The following UTRN variants were observed in gnomAD, a reference collection of about 807,000 sequenced individuals.
The protein encoded by UTRN is utrophin.
In UTRN, 283 loss-of-function variants were observed where a neutral mutation model predicts 463.9. The observed-to-expected ratio is 0.61, with a 90% CI of 0.55 to 0.67. The LOEUF (loss-of-function observed/expected upper bound fraction) is 0.67. Among genes scored for constraint, UTRN ranks in the 30% least tolerant of loss-of-function variants. The pLI, the probability that UTRN is intolerant of heterozygous loss-of-function variation, is 0.00. For synonymous variants in UTRN, 1,442 were observed against 1,431.5 expected (o/e 1.01, Z -0.17); for missense variants, 3,922 against 4,084.3 (o/e 0.96, Z 1.08).
intron 50 of UTRN, among the ~76,000 whole-genome samples, chr6:144,568,283 T>C (rs1260356280): frequency 6.6e-6 from 1 of 152,190 alleles, no homozygotes. Context: ...CCTTCTAAAC[T>C]TAAAATGTTG....
At chr6:144,386,563 T>C (rs1056944142) in intron 2 of UTRN, among the ~76,000 whole-genome samples, 1 of 147,866 alleles carries the variant, frequency 6.8e-6, no homozygotes, top group Non-Finnish European at 1.5e-5. Flanking sequence ...AACCTTTCAA[T>C]TATTTTATTT....
chr6:144,714,001 C>A (rs1786083461), intron 53 of UTRN, among the ~76,000 whole-genome samples: 1 of 150,458 alleles, frequency 6.6e-6, no homozygotes, highest in Non-Finnish European at 1.5e-5. Context: ...TCATTTTTAA[C>A]ATTGATATTT....
At chr6:144,764,264 A>G (rs1793026023) in intron 58 of UTRN, among the ~76,000 whole-genome samples, 1 of 152,188 alleles carries the variant, frequency 6.6e-6, no homozygotes, top group African/African-American at 2.4e-5. Flanking sequence ...AACAGTAGAA[A>G]GCCTGCCCTG....
chr6:144,553,000 A>T (rs770726558), intron 48 of UTRN, among the ~76,000 whole-genome samples: 2 of 152,202 alleles, frequency 1.3e-5, no homozygotes, highest in African/African-American at 2.4e-5. Context: ...AAGAATGATG[A>T]CATGTAAGTA....
intron 50 of UTRN, among the ~76,000 whole-genome samples, chr6:144,575,260 T>TA (rs944526970): frequency 1.3e-4 from 19 of 151,974 alleles, no homozygotes; most frequent in African/African-American, 1.7e-4. Flanking sequence ...CATTATAAAA[T>TA]AAAAAAAATG....
intron 2 of UTRN, among the ~76,000 whole-genome samples, chr6:144,336,484 A>G (rs1003599762): frequency 5.9e-5 from 9 of 151,934 alleles, no homozygotes; most frequent in Admixed American, 5.9e-4. Context: ...ACTTGGACAC[A>G]TTTTTTTTCC....
In UTRN at chr6:144,754,759, C is replaced by G. The variant is rs1460000931; in HGVS notation, c.8395C>G (p.His2799Asp). 6.2e-6 allele frequency: 10 copies of G among 1,613,348 alleles called. No individual in the cohort carries two copies. The highest frequency in any genetic ancestry group is 5.0e-5 in the Admixed American group (3 of 59,900). Residue 2799 changes from histidine to aspartate, a missense_variant, in exon 57 of 75, where the codon CAC becomes GAC. Around this residue, in one of 3 missense-constraint regions of UTRN, gnomAD observed 1,309 missense variants for 1,452.6 expected, o/e 0.90. Coordinates refer to ENST00000367545, the MANE Select transcript of UTRN (RefSeq NM_007124.3). ...DDRLKQLQEA[H>D]RDFGPSSQHF... is the part of the protein sequence containing the mutation. ...TCGCCTTAAACAGCTTCAGGAAGCC[C>G]ACAGAGATTTTGGACCATCCTCTCA...
At chr6:144,722,552 T>A (rs1343570494) in intron 53 of UTRN, among the ~76,000 whole-genome samples, 2 of 152,172 alleles carry the variant, frequency 1.3e-5, no homozygotes, top group Non-Finnish European at 2.9e-5. Flanking sequence ...TGTTCTGGCT[T>A]CATGACATGC....
In UTRN at chr6:144,453,271, C is replaced by T. The variant is rs564432932; in HGVS notation, c.2197-511C>T. Among the ~76,000 whole-genome samples, 19 of 152,128 alleles carry T rather than the reference C, an allele frequency of 1.2e-4. No homozygotes were observed. In the South Asian group the frequency reaches 3.3e-3, roughly 27 times the overall value. On this transcript the variant is annotated intron_variant, in intron 18 of 74. Coordinates refer to ENST00000367545, the MANE Select transcript of UTRN (RefSeq NM_007124.3). Reference sequence around the variant, plus strand: ...CTGAGCAGCTGGGATTATAGGCACACGCCACCACGCTTGGCTAATTTTTGT... The same window carrying T: ...CTGAGCAGCTGGGATTATAGGCACATGCCACCACGCTTGGCTAATTTTTGT...
At position 144,617,183 on chromosome 6, in the gene UTRN, C is replaced by A. The variant is rs115296321; in HGVS notation, c.7479+39895C>A. ...TCCATCTGTCTGCACATTGTGAGTT[C>A]TTAATGATTTGATGCCTCTTTTGGC... On this transcript the variant is annotated intron_variant, in intron 51 of 74. Coordinates refer to ENST00000367545, the MANE Select transcript of UTRN (RefSeq NM_007124.3). Among the ~76,000 whole-genome samples, 1,376 of 152,220 alleles carry A rather than the reference C, an allele frequency of 9.0e-3. 16 individuals are homozygous for A. The highest frequency in any genetic ancestry group is 0.031 in the African/African-American group (1,275 of 41,538).
In UTRN at chr6:144,836,516, A is replaced by AC. The variant is rs1281004569; in HGVS notation, c.10042dup (p.Arg3348ProfsTer10). The AC allele has an allele frequency of 6.2e-7, 1 of 1,613,704 alleles. No individual in the cohort carries two copies. Among genetic ancestry groups the AC allele is most frequent in the East Asian group, 2.2e-5 (1 of 44,816 alleles). ...AATAAACAGCTGGAGTCTCAGCTCC[A>AC]CCGCCTCCGACAGCTGCTGGAGCAG... On this transcript the variant is annotated frameshift_variant, in exon 71 of 75. Transcript: ENST00000367545. LOFTEE classifies it high-confidence loss of function.
At position 144,827,246 on chromosome 6, in the gene UTRN, C is replaced by G. The variant is rs541784715; in HGVS notation, c.9495-102C>G. On this transcript the variant is annotated intron_variant, in intron 66 of 74. Coordinates refer to ENST00000367545, the MANE Select transcript of UTRN (RefSeq NM_007124.3). ...CTCTCAGGGCAACCACATATATGAG[C>G]GGAAGATAATTGAGAATCTCCCCAC... 6 of 1,371,342 alleles carry G rather than the reference C, an allele frequency of 4.4e-6. 1 individual carries two copies. The highest frequency in any genetic ancestry group is 6.1e-6 in the Non-Finnish European group (6 of 977,162). 84.9% of individuals were successfully genotyped at this position (1,371,342 alleles called of 1,614,324 possible).
chr6:144,827,233 C>G (rs954369455), intron 66 of UTRN, 115 bp from the exon 67 acceptor site: 2 of 1,267,770 alleles, frequency 1.6e-6, no homozygotes, highest in African/African-American at 2.9e-5. Context: ...CTCAGGGCAA[C>G]CACATATATG....
intron 52 of UTRN, 96 bp downstream of exon 52, chr6:144,678,674 C>T: frequency 1.8e-6 from 2 of 1,107,100 alleles, no homozygotes; most frequent in Non-Finnish European, 2.5e-6. Flanking sequence ...AGCCTTACCA[C>T]CACTTCTATT....
chr6:144,336,071 C>T (rs749580882), intron 2 of UTRN, among the ~76,000 whole-genome samples: 26 of 152,152 alleles, frequency 1.7e-4, no homozygotes, highest in Non-Finnish European at 1.5e-5. Context: ...ATACCCACAT[C>T]TTCTGAGTGG....
chr6:144,631,498 T>C (rs1776517345), intron 51 of UTRN, among the ~76,000 whole-genome samples: 1 of 152,138 alleles, frequency 6.6e-6, no homozygotes, highest in East Asian at 1.9e-4. Context: ...AAATGACTAA[T>C]TTGTGGGGAT....
intron 52 of UTRN, among the ~76,000 whole-genome samples, chr6:144,694,284 T>A (rs1783751707): frequency 6.6e-6 from 1 of 151,036 alleles, no homozygotes; most frequent in Non-Finnish European, 1.5e-5. Flanking sequence ...CTGGATTCGG[T>A]TTGCCAGTGT....
At position 144,836,363 on chromosome 6, in the gene UTRN, G is replaced by C; in HGVS notation, c.9887G>C (p.Gly3296Ala). 1 of 1,614,114 alleles carries C rather than the reference G, an allele frequency of 6.2e-7. No homozygotes were observed. ...CACCTCCGAAGGGGGCTCCCTGTCG[G>C]TTCACCGCCAGAGTCGATTATATCT... ...DQHLRRGLPVGSPPESIISPH... is the reference protein window; with the variant it reads ...DQHLRRGLPVASPPESIISPH... Residue 3296 changes from glycine (G) to alanine (A), a missense_variant, in exon 71 of 75, where the codon GGT becomes GCT. Physicochemically the swap from Gly to Ala is moderately conservative, Grantham distance 60. Transcript: ENST00000367545.
Position 144,828,799 on chromosome 6 carries a change from G to C in UTRN, c.9609G>C (p.Gln3203His), listed in dbSNP as rs1780413503. 1 of 1,613,326 alleles carries C rather than the reference G, an allele frequency of 6.2e-7. No homozygotes were observed. The highest frequency in any genetic ancestry group is 8.5e-7 in the Non-Finnish European group (1 of 1,179,574). Residue 3203 changes from glutamine (Q) to histidine (H), a missense_variant, in exon 69 of 75, where the codon CAG becomes CAC. Around this residue, in one of 3 missense-constraint regions of UTRN, gnomAD observed 1,309 missense variants for 1,452.6 expected, o/e 0.90. Coordinates refer to ENST00000367545, the MANE Select transcript of UTRN (RefSeq NM_007124.3). Reference sequence around the variant, plus strand: ...TATTTTTATTTTGCAGACTGGCCCAGATGGAAAGGACTAATGGGTCTTTTC... The same window carrying C: ...TATTTTTATTTTGCAGACTGGCCCACATGGAAAGGACTAATGGGTCTTTTC... ...RIEQYATRLA[Q>H]MERTNGSFLT...
Sources: allele counts gnomAD v4.1 joint callset (sites outside exome capture counted in the v4.1 genomes callset), GRCh38; gene constraint gnomAD v4.1.1; regional missense constraint gnomAD v4.1.1; transcripts MANE v1.5; gene names NCBI Gene and HGNC (gene_info 2026-07-23, HGNC 2026-07-21).